INPP4B: variants seen among roughly 807,000 people sequenced by gnomAD.
The protein encoded by INPP4B is inositol polyphosphate-4-phosphatase type II B.
INPP4B carries 55 observed loss-of-function variants against 122.5 expected under a neutral mutation model. The observed-to-expected ratio is 0.45, with a 90% CI of 0.36 to 0.56. The LOEUF is 0.56. Ranked by LOEUF, INPP4B falls within the 20% of genes least tolerant of loss-of-function variation. INPP4B has a pLI of 0.00. For missense variants in INPP4B, 1,000 were observed against 1,097.7 expected, an observed-to-expected ratio of 0.91 and a Z score of 1.26; for synonymous variants, 403 against 388.7, an observed-to-expected ratio of 1.04 and a Z score of -0.43.
In INPP4B at chr4:142,263,680, A is replaced by ATATATATATATATAT. The variant is rs61694410; in HGVS notation, c.616-3117_616-3116insATATATATATATATA. Among the ~76,000 whole-genome samples, 81 of 81,934 alleles carry ATATATATATATATAT rather than the reference A, an allele frequency of 9.9e-4. 1 individual carries two copies. The highest frequency in any genetic ancestry group is 1.1e-3 in the African/African-American group (29 of 26,506). The allele number at this position is 81,934 out of a possible 152,430, so 53.8% of individuals were successfully genotyped here. On this transcript the variant is annotated intron_variant, in intron 10 of 25. Transcript: ENST00000262992. ...TATATATATATATATATATATATAT[A>ATATATATATATATAT]ACATTGAACAATGACAAGTACTAAT...
intron 1 of INPP4B, among the ~76,000 whole-genome samples, chr4:142,787,543 A>G (rs543648357): frequency 1.2e-4 from 19 of 152,096 alleles, no homozygotes; most frequent in Non-Finnish European, 2.6e-4. Context: ...GCAGCACAAA[A>G]TGGGTTGAGA....
At chr4:142,812,415 T>C (rs1043074146) in intron 1 of INPP4B, among the ~76,000 whole-genome samples, 1 of 152,316 alleles carries the variant, frequency 6.6e-6, no homozygotes, top group Non-Finnish European at 1.5e-5. Context: ...CTTGTTTTTG[T>C]TTTGCTTTTC....
chr4:142,508,649 G>C (rs913801833), intron 2 of INPP4B, among the ~76,000 whole-genome samples: 4 of 152,270 alleles, frequency 2.6e-5, no homozygotes, highest in Admixed American at 6.5e-5. Context: ...ACACTTTATA[G>C]TGTTTCAACC....
intron 17 of INPP4B, among the ~76,000 whole-genome samples, chr4:142,150,364 A>G (rs965735150): frequency 2.0e-5 from 3 of 152,160 alleles, no homozygotes; most frequent in African/African-American, 7.2e-5. Context: ...AACAACCACT[A>G]CCACCTATCA....
At chr4:142,630,682 C>T (rs374003241) in intron 2 of INPP4B, among the ~76,000 whole-genome samples, 28 of 152,156 alleles carry the variant, frequency 1.8e-4, no homozygotes, top group African/African-American at 6.7e-4. Flanking sequence ...GGAAGATAAG[C>T]CTGACTTTTG....
chr4:142,811,181 A>C (rs1478276826), intron 1 of INPP4B, among the ~76,000 whole-genome samples: 1 of 152,306 alleles, frequency 6.6e-6, no homozygotes, highest in East Asian at 1.9e-4. Context: ...CCCTACCTCC[A>C]CCTGTGCATA....
chr4:142,827,166 C>A (rs571034831), intron 1 of INPP4B, among the ~76,000 whole-genome samples: 1 of 152,272 alleles, frequency 6.6e-6, no homozygotes, highest in South Asian at 2.1e-4. Flanking sequence ...TTCATACTAT[C>A]CTCTGTGGGA....
chr4:142,042,502 C>T (rs72716485), intron 25 of INPP4B, among the ~76,000 whole-genome samples: 22,146 of 148,358 alleles, frequency 0.15, 1,769 homozygotes, highest in African/African-American at 0.23. Context: ...TTTCCACTGC[C>T]AATTTATGTG....
chr4:142,128,908 A>G (rs1223370901), intron 18 of INPP4B, among the ~76,000 whole-genome samples: 4 of 152,200 alleles, frequency 2.6e-5, no homozygotes, highest in Non-Finnish European at 5.9e-5. Flanking sequence ...GCAGAGCATC[A>G]TGCTTTCTTC....
intron 10 of INPP4B, among the ~76,000 whole-genome samples, chr4:142,264,525 G>A (rs1335380695): frequency 1.3e-5 from 2 of 152,120 alleles, no homozygotes; most frequent in African/African-American, 2.4e-5. Flanking sequence ...CTATTTCTAT[G>A]TGTGTATATA....
At chr4:142,168,881 T>A (rs578233050) in intron 16 of INPP4B, among the ~76,000 whole-genome samples, 101 of 151,682 alleles carry the variant, frequency 6.7e-4, no homozygotes, top group African/African-American at 2.3e-3. Context: ...TCTCTTCACC[T>A]TGAGAAGATA....
At chr4:142,163,837 C>T (rs1821338464) in intron 16 of INPP4B, among the ~76,000 whole-genome samples, 1 of 151,782 alleles carries the variant, frequency 6.6e-6, no homozygotes, top group African/African-American at 2.4e-5. Context: ...GTGACCATAT[C>T]ACTGAGTTGC....
chr4:142,109,759 G>T (rs1244377530), intron 22 of INPP4B, among the ~76,000 whole-genome samples: 1 of 152,198 alleles, frequency 6.6e-6, no homozygotes, highest in East Asian at 1.9e-4. Flanking sequence ...ATTATTGCAT[G>T]AGCCGAACTG....
intron 15 of INPP4B, among the ~76,000 whole-genome samples, chr4:142,176,744 A>G (rs1470172954): frequency 2.0e-5 from 3 of 152,098 alleles, no homozygotes; most frequent in Admixed American, 2.0e-4. Flanking sequence ...ATGCTGTAGC[A>G]CTTGTGACAA....
chr4:142,730,216 T>C (rs766351767), intron 1 of INPP4B, among the ~76,000 whole-genome samples: 2 of 152,148 alleles, frequency 1.3e-5, no homozygotes, highest in Non-Finnish European at 2.9e-5. Context: ...TTCTACAAGG[T>C]GATCTGGTTT....
chr4:142,609,451 C>T (rs1742012496), intron 2 of INPP4B, among the ~76,000 whole-genome samples: 2 of 152,014 alleles, frequency 1.3e-5, no homozygotes, highest in African/African-American at 2.4e-5. Context: ...AGTTATCTCT[C>T]CTGTTTCTCT....
chr4:142,221,528 C>T (rs906941619), intron 12 of INPP4B, among the ~76,000 whole-genome samples: 1 of 152,058 alleles, frequency 6.6e-6, no homozygotes, highest in African/African-American at 2.4e-5. Flanking sequence ...TCTATCTTGC[C>T]CACAAGGATT....
chr4:142,333,123 T>C (rs540618840), intron 7 of INPP4B, among the ~76,000 whole-genome samples: 1 of 150,990 alleles, frequency 6.6e-6, no homozygotes, highest in Admixed American at 6.6e-5. Context: ...TAGGACCCAC[T>C]CCGATCACAG....
chr4:142,612,079 T>A (rs941933320), intron 2 of INPP4B, among the ~76,000 whole-genome samples: 1 of 152,194 alleles, frequency 6.6e-6, no homozygotes, highest in South Asian at 2.1e-4. Context: ...TATTTGCACA[T>A]GCAGGTATGG....
Sources: allele counts gnomAD v4.1 joint callset (sites outside exome capture counted in the v4.1 genomes callset), GRCh38; gene constraint gnomAD v4.1.1; transcripts MANE v1.5; gene names NCBI Gene and HGNC (gene_info 2026-07-23, HGNC 2026-07-21).